LAMC2: variants seen among roughly 807,000 people sequenced by gnomAD.
LAMC2 encodes laminin subunit gamma 2, also known as laminin subunit gamma-2.
LAMC2 carries 97 observed loss-of-function variants against 140.2 expected under a neutral mutation model. The ratio of observed to expected loss-of-function variants is 0.69; its 90% CI spans 0.59 to 0.82. The LOEUF is 0.82. LAMC2 is among the 40% of genes least tolerant of loss of function. The pLI, the probability that LAMC2 is intolerant of heterozygous loss-of-function variation, is 0.00. For synonymous variants in LAMC2, 513 were observed against 540.2 expected, an observed-to-expected ratio of 0.95 and a Z score of 0.70; for missense variants, 1,402 against 1,476.1, an observed-to-expected ratio of 0.95 and a Z score of 0.82.
intron 1 of LAMC2, among the ~76,000 whole-genome samples, chr1:183,201,457 C>T (rs1658704269): frequency 6.6e-6 from 1 of 152,180 alleles, no homozygotes. Context: ...CAGGGGCACT[C>T]CCTGCTTCCA....
rs1321831204 is a variant in LAMC2, at chr1:183,235,610, C to T, written c.2336C>T (p.Thr779Ile). ...TCAGCCAGTAACATGGAGCAACTGA[C>T]AAGGGAAACTGAGGACTATTCCAAA... ...VESASNMEQLTRETEDYSKQA... is the reference protein window; with the variant it reads ...VESASNMEQLIRETEDYSKQA... Residue 779 changes from threonine to isoleucine, a missense_variant, in exon 16 of 23, where the codon ACA (threonine) becomes ATA (isoleucine). Coordinates refer to ENST00000264144, the MANE Select transcript of LAMC2 (RefSeq NM_005562.3). The T allele has an allele frequency of 6.2e-7, 1 of 1,614,218 alleles. No individual in the cohort carries two copies. Among genetic ancestry groups the T allele is most frequent in the Non-Finnish European group, 8.5e-7 (1 of 1,180,036 alleles).
intron 14 of LAMC2, among the ~76,000 whole-genome samples, 186 bp downstream of exon 14, chr1:183,233,043 C>T (rs1659847879): frequency 6.6e-6 from 1 of 152,144 alleles, no homozygotes; most frequent in African/African-American, 2.4e-5. Context: ...TCTGAAGTTT[C>T]CTATTTTACT....
Position 183,235,742 on chromosome 1 carries a change from C to A in LAMC2, c.2456+12C>A, listed in dbSNP as rs1659941207. On this transcript the variant is annotated intron_variant, in intron 16 of 22. Coordinates refer to ENST00000264144, the MANE Select transcript of LAMC2 (RefSeq NM_005562.3). ...GGGCTTGTGGAAAAGTACGTTCCTACGGGTCCTCCCGTGGCTCATTATACC... is the reference window on the plus strand; with the variant it reads ...GGGCTTGTGGAAAAGTACGTTCCTAAGGGTCCTCCCGTGGCTCATTATACC... 6.2e-7 allele frequency: 1 copy of A among 1,613,652 alleles called. No individual in the cohort carries two copies. Among genetic ancestry groups the A allele is most frequent in the South Asian group, 1.1e-5 (1 of 91,020 alleles).
intron 18 of LAMC2, among the ~76,000 whole-genome samples, chr1:183,237,740 G>T (rs1010851263): frequency 3.9e-5 from 6 of 152,136 alleles, no homozygotes; most frequent in African/African-American, 1.4e-4. Flanking sequence ...TAAAAAAATA[G>T]CTGTGCATGA....
At chr1:183,210,905 A>T (rs544242972) in intron 2 of LAMC2, among the ~76,000 whole-genome samples, 1 of 152,326 alleles carries the variant, frequency 6.6e-6, no homozygotes, top group South Asian at 2.1e-4. Flanking sequence ...ATGTCACCAA[A>T]CCACTAGCAC....
chr1:183,195,260 G>C (rs999042279), intron 1 of LAMC2, among the ~76,000 whole-genome samples: 4 of 152,018 alleles, frequency 2.6e-5, no homozygotes, highest in Admixed American at 2.6e-4. Context: ...ACCAGGCTGA[G>C]TCATCTACAG....
At chr1:183,202,671 C>A (rs1230282446) in intron 1 of LAMC2, among the ~76,000 whole-genome samples, 1 of 152,200 alleles carries the variant, frequency 6.6e-6, no homozygotes. Flanking sequence ...TACCCTCCTT[C>A]CCACCCATCT....
intron 2 of LAMC2, 137 bp from the exon 3 acceptor site, chr1:183,215,316 G>C: frequency 4.3e-6 from 4 of 929,176 alleles, no homozygotes; most frequent in Non-Finnish European, 6.8e-6. Flanking sequence ...GCGATGTGAA[G>C]TGACTGTTAA....
At position 183,202,223 on chromosome 1, in the gene LAMC2, CA is replaced by C. The variant is rs199561774; in HGVS notation, c.80-5645del. Among the ~76,000 whole-genome samples, 107 of 142,376 alleles carry C rather than the reference CA, an allele frequency of 7.5e-4. 1 individual carries two copies. Among genetic ancestry groups the C allele is most frequent in the East Asian group, 1.4e-3 (7 of 4,926 alleles). 93.4% of individuals were successfully genotyped at this position (142,376 alleles called of 152,430 possible). Reference sequence around the variant, plus strand: ...AGAAAAACAGCAACAACAACAACAACAAAAAAAAAAAAACAAAGAAAACCAC... The same window carrying C: ...AGAAAAACAGCAACAACAACAACAACAAAAAAAAAAAACAAAGAAAACCAC... On this transcript the variant is annotated intron_variant, in intron 1 of 22. Transcript: ENST00000264144.
chr1:183,206,228 T>C (rs1397202225), intron 1 of LAMC2, among the ~76,000 whole-genome samples: 1 of 152,220 alleles, frequency 6.6e-6, no homozygotes, highest in Non-Finnish European at 1.5e-5. Context: ...GAATGTAAAG[T>C]CCTAGAAACA....
intron 1 of LAMC2, among the ~76,000 whole-genome samples, chr1:183,187,502 C>CAAAAAA (rs11386933): frequency 7.9e-6 from 1 of 126,224 alleles, no homozygotes; most frequent in Non-Finnish European, 1.7e-5. Flanking sequence ...TGATTGCCAC[C>CAAAAAA]AAAAAAAAAA....
At chr1:183,256,878 A>G in the LAMC2 span, among the ~76,000 whole-genome samples, 5 of 152,092 alleles carry the variant, frequency 3.3e-5, no homozygotes, top group East Asian at 5.8e-4. Context: ...CAGCCTCCCA[A>G]GTAGCTGGGA....
In LAMC2 at chr1:183,239,570, A is replaced by G; in HGVS notation, c.3069+7A>G. 1 of 1,611,416 alleles carries G rather than the reference A, an allele frequency of 6.2e-7. No individual in the cohort carries two copies. Among genetic ancestry groups the G allele is most frequent in the Non-Finnish European group, 8.5e-7 (1 of 1,178,344 alleles). On this transcript the variant is annotated splice_region_variant and intron_variant, in intron 20 of 22. Coordinates refer to ENST00000264144, the MANE Select transcript of LAMC2 (RefSeq NM_005562.3). The stretch of plus-strand genomic sequence containing the variant: ...CTCCAGTGAGATTGAACAGGTAAAG[A>G]GAAATCGACATGTGTGTTGGTGCCA...
chr1:183,235,633 A>T lies in LAMC2; in HGVS notation c.2359A>T (p.Lys787Ter). 1 of 1,614,250 alleles carries T rather than the reference A, an allele frequency of 6.2e-7. No individual in the cohort carries two copies. The highest frequency in any genetic ancestry group is 8.5e-7 in the Non-Finnish European group (1 of 1,180,044). The change falls in exon 16 of 23, where the codon AAA becomes TAA. Residue 787 changes from lysine (K) to a stop codon, truncating the protein, a stop_gained. Coordinates refer to ENST00000264144, the MANE Select transcript of LAMC2 (RefSeq NM_005562.3). LOFTEE classifies it high-confidence loss of function. Reference protein sequence around the residue: ...QLTRETEDYSKQALSLVRKAL... With the variant: ...QLTRETEDYS ...GACAAGGGAAACTGAGGACTATTCC[A>T]AACAAGCCCTCTCACTGGTGCGCAA...
At position 183,223,214 on chromosome 1, in the gene LAMC2, C is replaced by T. The variant is rs532663351; in HGVS notation, c.843C>T (p.His281=). ...FDYRVDRGGR[H]PSAHDVILEG... is the part of the protein sequence containing the mutation. ...ACCGTGTGGACAGAGGAGGCAGACA[C>T]CCATCTGCCCATGATGTGATTCTGG... Residue 281 remains histidine, a synonymous_variant, in exon 7 of 23, where the codon CAC becomes CAT. Coordinates refer to ENST00000264144, the MANE Select transcript of LAMC2 (RefSeq NM_005562.3). 55 of 1,613,830 alleles carry T rather than the reference C, an allele frequency of 3.4e-5. No individual in the cohort carries two copies. In the South Asian group the frequency reaches 5.5e-4, roughly 16 times the overall value.
chr1:183,240,035 C>T lies in LAMC2; in HGVS notation c.3070-5C>T, dbSNP rs1363609411. The T allele has an allele frequency of 6.2e-7, 1 of 1,614,144 alleles. No individual in the cohort carries two copies. Among genetic ancestry groups the T allele is most frequent in the Non-Finnish European group, 8.5e-7 (1 of 1,180,012 alleles). ...TTCCGTCCCTGGCTCCTTTTCTTCT[C>T]TCAGGAGATTGGGAGTCTGAACTTG... On this transcript the variant is annotated splice_region_variant and splice_polypyrimidine_tract_variant and intron_variant, in intron 20 of 22. Transcript: ENST00000264144.
intron 5 of LAMC2, 35 bp downstream of exon 5, chr1:183,220,996 A>G: frequency 1.2e-6 from 2 of 1,603,444 alleles, no homozygotes; most frequent in South Asian, 2.2e-5. Flanking sequence ...TTAGTTTTTT[A>G]ATGTTGTACA....
At chr1:183,186,577 CT>C in intron 1 of LAMC2, 146 bp downstream of exon 1, 2 of 756,300 alleles carry the variant, frequency 2.6e-6, no homozygotes, top group Admixed American at 6.0e-5. Flanking sequence ...CTATCTGGGG[CT>C]CCTCCAGAGA....
chr1:183,203,478 C>G (rs1658785524), intron 1 of LAMC2, among the ~76,000 whole-genome samples: 1 of 151,748 alleles, frequency 6.6e-6, no homozygotes, highest in Non-Finnish European at 1.5e-5. Flanking sequence ...TTCCTGCCCC[C>G]CGCCCCCCCT....
Sources: gnomAD v4.1 joint callset for allele counts (sites outside exome capture counted in the v4.1 genomes callset) on GRCh38, gnomAD v4.1.1 for gene constraint, MANE v1.5 for transcripts, NCBI Gene and HGNC (gene_info 2026-07-23, HGNC 2026-07-21) for gene names.